RAPH1: variants seen among roughly 807,000 people sequenced by gnomAD.
The protein encoded by RAPH1 is ras-associated and pleckstrin homology domains-containing protein 1.
A neutral mutation model predicts 88.1 loss-of-function variants in RAPH1; 18 were observed. The observed-to-expected ratio is 0.20, with a 90% CI of 0.14 to 0.30. The LOEUF is 0.30. Ranked by LOEUF, RAPH1 falls within the 10% of genes least tolerant of loss-of-function variation. RAPH1 has a pLI of 1.00. For synonymous variants in RAPH1, 587 were observed against 559.0 expected (o/e 1.05, Z -0.71); for missense variants, 1,448 against 1,543.2 (o/e 0.94, Z 1.03).
In RAPH1 at chr2:203,440,679, CG is replaced by C; in HGVS notation, c.2510del (p.Pro837ArgfsTer26). 1.6e-6 allele frequency: 2 copies of C among 1,276,564 alleles called. No homozygotes were observed. The highest frequency in any genetic ancestry group is 2.0e-6 in the Non-Finnish European group (2 of 1,001,302). The allele number at this position is 1,276,564 out of a possible 1,614,324, so 79.1% of individuals were successfully genotyped here. ...AGCTCTGTTGCTTGGGTAATGTTGG[CG>C]GGGGTACTGGAACAGGAGGGGTAGG... is the stretch of plus-strand genomic sequence containing the variant. ...SPPTPPVPVP[P>X]PTLPKQQSFC... is the part of the protein sequence containing the mutation. On this transcript the variant is annotated frameshift_variant, in exon 14 of 14. Transcript: ENST00000319170. LOFTEE classifies it high-confidence loss of function.
chr2:203,529,227 G>T (rs1187386721), intron 1 of RAPH1, among the ~76,000 whole-genome samples: 2 of 151,600 alleles, frequency 1.3e-5, no homozygotes, highest in East Asian at 1.9e-4. Flanking sequence ...ACCTGCCTCA[G>T]CCTCCCAAAA....
chr2:203,445,050 CAGTAT>C, intron 12 of RAPH1, 40 bp from the exon 13 acceptor site: 6 of 1,583,260 alleles, frequency 3.8e-6, no homozygotes, highest in Non-Finnish European at 5.2e-6. Flanking sequence ...TTAAAAGAGT[CAGTAT>C]TCTGACAATA....
intron 1 of RAPH1, among the ~76,000 whole-genome samples, chr2:203,524,461 A>T (rs1490945307): frequency 1.3e-5 from 2 of 152,232 alleles, no homozygotes; most frequent in African/African-American, 4.8e-5. Context: ...ACAATTGGAA[A>T]CAGCCTAAAT....
chr2:203,487,654 G>A (rs533402409), intron 4 of RAPH1, among the ~76,000 whole-genome samples: 1 of 152,000 alleles, frequency 6.6e-6, no homozygotes, highest in East Asian at 1.9e-4. Context: ...CAAAGTGTTG[G>A]GATTACAGGT....
Position 203,506,840 on chromosome 2 carries a change from A to ATATC in RAPH1, c.1-11488_1-11487insGATA, listed in dbSNP as rs1553630524. 1.3e-3 allele frequency among the ~76,000 whole-genome samples: 84 copies of ATATC among 63,188 alleles called. 7 individuals carry two copies. Among genetic ancestry groups the ATATC allele is most frequent in the South Asian group, 2.5e-3 (5 of 1,978 alleles). 41.5% of individuals were successfully genotyped at this position (63,188 alleles called of 152,430 possible). On this transcript the variant is annotated intron_variant, in intron 1 of 13. Coordinates refer to ENST00000319170, the MANE Select transcript of RAPH1 (RefSeq NM_213589.3). ...TATATCTATATATATATCTATATCT[A>ATATC]TATATCTATCTATATCTATATATAT...
intron 4 of RAPH1, among the ~76,000 whole-genome samples, chr2:203,479,871 A>G (rs1687643643): frequency 1.3e-5 from 2 of 152,202 alleles, no homozygotes; most frequent in South Asian, 4.1e-4. Context: ...TTATTTTCTT[A>G]CCAAAAAATA....
At chr2:203,487,101 A>G (rs1168491604) in intron 4 of RAPH1, among the ~76,000 whole-genome samples, 1 of 152,202 alleles carries the variant, frequency 6.6e-6, no homozygotes, top group Admixed American at 6.5e-5. Context: ...GAACTTTTAT[A>G]ATGAGCACAT....
At chr2:203,445,079 CTA>C in intron 12 of RAPH1, 69 bp from the exon 13 acceptor site, 1 of 1,402,940 alleles carries the variant, frequency 7.1e-7, no homozygotes, top group East Asian at 2.3e-5. Context: ...ATATGTATGT[CTA>C]GTTAGATCTT....
intron 4 of RAPH1, among the ~76,000 whole-genome samples, chr2:203,488,653 C>A (rs931932535): frequency 3.3e-5 from 5 of 149,750 alleles, no homozygotes; most frequent in Admixed American, 6.6e-5. Context: ...TCTGAACCAC[C>A]CTATCAGGAA....
rs535695816 is a variant in RAPH1 at position 203,480,978 on chromosome 2, C to T, written c.732+8606G>A. 4.8e-4 allele frequency among the ~76,000 whole-genome samples: 73 copies of T among 152,152 alleles called. 1 individual carries two copies. The South Asian group carries it at 0.011, about 22-fold the overall frequency. On this transcript the variant is annotated intron_variant, in intron 4 of 13. Coordinates refer to ENST00000319170, the MANE Select transcript of RAPH1 (RefSeq NM_213589.3). Reference sequence around the variant, plus strand: ...CAAAGGTTGGTATAAAAATTATGAACGATTAATATTACTACGAAGAGTGGG... The same window carrying T: ...CAAAGGTTGGTATAAAAATTATGAATGATTAATATTACTACGAAGAGTGGG...
intron 12 of RAPH1, chr2:203,446,488 T>C (rs1298900490): frequency 1.3e-5 from 2 of 152,220 alleles, no homozygotes; most frequent in Non-Finnish European, 2.9e-5. Context: ...CAGTCCACAC[T>C]TGAGGACTTA....
At chr2:203,470,278 CAGA>C (rs1177017125) in intron 4 of RAPH1, 6 of 1,612,246 alleles carry the variant, frequency 3.7e-6, no homozygotes, top group African/African-American at 2.7e-5. Flanking sequence ...CAATGTTTCT[CAGA>C]AGAAGGGAGG....
At chr2:203,461,992 T>G (rs113488935) in intron 4 of RAPH1, 67 bp from the exon 5 acceptor site, 6 of 1,278,942 alleles carry the variant, frequency 4.7e-6, no homozygotes, top group African/African-American at 1.5e-5. Context: ...ATCTTTTTTA[T>G]CCTTAAGGAT....
In RAPH1 at chr2:203,441,335, A is replaced by AG; in HGVS notation, c.1854dup (p.Tyr619LeufsTer67). 3.9e-6 allele frequency: 6 copies of AG among 1,554,552 alleles called. No individual in the cohort carries two copies. The highest frequency in any genetic ancestry group is 4.3e-6 in the Non-Finnish European group (5 of 1,153,066). On this transcript the variant is annotated frameshift_variant, in exon 14 of 14. Coordinates refer to ENST00000319170, the MANE Select transcript of RAPH1 (RefSeq NM_213589.3). LOFTEE classifies it low-confidence loss of function (END_TRUNC). ...GGTGGTGAAGGCTGTGAAGCAGTGT[A>AG]GGGGGTGACTATCTTAGGTTGCGGG...
At position 203,448,729 on chromosome 2, in the gene RAPH1, G is replaced by A; in HGVS notation, c.1512+9C>T. 2 of 1,559,974 alleles carry A rather than the reference G, an allele frequency of 1.3e-6. No homozygotes were observed. Among genetic ancestry groups the A allele is most frequent in the Non-Finnish European group, 1.7e-6 (2 of 1,143,284 alleles). On this transcript the variant is annotated intron_variant, in intron 11 of 13. Coordinates refer to ENST00000319170, the MANE Select transcript of RAPH1 (RefSeq NM_213589.3). This position sits in a 1 kb window ranked among gnomAD's most constrained non-coding sequence, Gnocchi z 4.1. ...CATTATTCCATCATCAAATCAAAAG[G>A]AGACATGCCTTTGCAATGCGGATCC...
intron 1 of RAPH1, among the ~76,000 whole-genome samples, chr2:203,505,412 CAAGA>C (rs1303512575): frequency 3.3e-5 from 5 of 149,838 alleles, no homozygotes; most frequent in Non-Finnish European, 5.9e-5. Flanking sequence ...AAGACTAGCA[CAAGA>C]AAGACTGGCC....
intron 4 of RAPH1, among the ~76,000 whole-genome samples, chr2:203,462,484 C>CA (rs1187930977): frequency 6.6e-6 from 1 of 152,138 alleles, no homozygotes; most frequent in Non-Finnish European, 1.5e-5. Flanking sequence ...TATACCAATA[C>CA]AAATATAAGA....
intron 4 of RAPH1, among the ~76,000 whole-genome samples, chr2:203,479,513 CAGA>C (rs1687623253): frequency 6.6e-6 from 1 of 150,524 alleles, no homozygotes. Context: ...GAAGCTGAGG[CAGA>C]AGAATTGCTT....
chr2:203,434,040 A>ATATATATATATATATCTATC lies in RAPH1; in HGVS notation c.*5396_*5397insGATAGATATATATATATATA, dbSNP rs71408937. 6.9e-6 allele frequency: 1 copy of ATATATATATATATATCTATC among 145,398 alleles called. No homozygotes were observed. The highest frequency in any genetic ancestry group is 2.6e-5 in the African/African-American group (1 of 38,246). 9.0% of individuals were successfully genotyped at this position (145,398 alleles called of 1,614,324 possible). On this transcript the variant is annotated 3_prime_UTR_variant, in exon 14 of 14. Coordinates refer to ENST00000319170, the MANE Select transcript of RAPH1 (RefSeq NM_213589.3). ...GTAGTACTGAATATATCTCTCTCATATATCTATCTATCTATCTATATATAT... is the reference window on the plus strand; with the variant it reads ...GTAGTACTGAATATATCTCTCTCATATATATATATATATATCTATCTATCTATCTATCTATCTATATATAT...
Sources: gnomAD v4.1 joint callset for allele counts (sites outside exome capture counted in the v4.1 genomes callset) on GRCh38, gnomAD v4.1.1 for gene constraint, Gnocchi (gnomAD v3.1) non-coding constraint, MANE v1.5 for transcripts, NCBI Gene and HGNC (gene_info 2026-07-23, HGNC 2026-07-21) for gene names.